The following ERBB4 variants were observed in gnomAD, a reference collection of about 807,000 sequenced individuals.
ERBB4 encodes receptor tyrosine-protein kinase erbB-4.
In ERBB4, 42 loss-of-function variants were observed where a neutral mutation model predicts 158.0. The observed-to-expected ratio is 0.27, with a 90% CI of 0.21 to 0.34. The LOEUF (loss-of-function observed/expected upper bound fraction) is 0.34, where lower values mean the gene tolerates loss of function less well. ERBB4 is among the 10% of genes least tolerant of loss of function. ERBB4 has a pLI of 1.00. For missense variants in ERBB4, 1,333 were observed against 1,624.1 expected, an observed-to-expected ratio of 0.82 and a Z score of 3.08; for synonymous variants, 583 against 558.7, an observed-to-expected ratio of 1.04 and a Z score of -0.61.
In ERBB4 at chr2:211,703,510, T is replaced by A. The variant is rs144133513; in HGVS notation, c.1289+594A>T. On this transcript the variant is annotated intron_variant, in intron 11 of 27. Transcript: ENST00000342788. ...AATTCTTATGCAAATTGACTTTTAATTGTTCATAAATAAGAACATCATACA... is the reference window on the plus strand; with the variant it reads ...AATTCTTATGCAAATTGACTTTTAAATGTTCATAAATAAGAACATCATACA... Among the ~76,000 whole-genome samples, 1,045 of 152,340 alleles carry A rather than the reference T, an allele frequency of 6.9e-3. 13 individuals are homozygous for A. The highest frequency in any genetic ancestry group is 0.024 in the African/African-American group (983 of 41,576).
intron 21 of ERBB4, among the ~76,000 whole-genome samples, chr2:211,428,771 G>A (rs2063689603): frequency 6.6e-6 from 1 of 152,104 alleles, no homozygotes; most frequent in South Asian, 2.1e-4. Context: ...AGGCTAGAGT[G>A]CAATGGCACA....
intron 1 of ERBB4, among the ~76,000 whole-genome samples, chr2:212,188,234 C>CTCTCTCTT: frequency 4.1e-5 from 1 of 24,102 alleles, no homozygotes; most frequent in African/African-American, 1.4e-4. Context: ...CTCTCTCTCT[C>CTCTCTCTT]CCCCCCCCTC....
chr2:211,791,243 A>C (rs530759231), intron 3 of ERBB4, among the ~76,000 whole-genome samples: 1 of 152,074 alleles, frequency 6.6e-6, no homozygotes, highest in Non-Finnish European at 1.5e-5. Context: ...GATTAGGAAA[A>C]GAGAAAAGTT....
intron 1 of ERBB4, among the ~76,000 whole-genome samples, chr2:212,307,338 T>C (rs1419853251): frequency 2.0e-5 from 3 of 148,044 alleles, no homozygotes; most frequent in African/African-American, 7.4e-5. Flanking sequence ...AGTTCTTGGA[T>C]CCCCAGGCAA....
intron 5 of ERBB4, among the ~76,000 whole-genome samples, chr2:211,731,136 A>G (rs143123245): frequency 3.3e-5 from 5 of 152,252 alleles, no homozygotes; most frequent in African/African-American, 1.2e-4. Flanking sequence ...TTATGGATAA[A>G]TGAAATACCA....
intron 16 of ERBB4, among the ~76,000 whole-genome samples, chr2:211,643,917 T>C (rs982136459): frequency 4.6e-5 from 7 of 152,020 alleles, no homozygotes; most frequent in African/African-American, 1.7e-4. Flanking sequence ...AATTCAAAAG[T>C]AGTAAATGTT....
At chr2:212,456,475 T>C (rs1174247530) in intron 1 of ERBB4, among the ~76,000 whole-genome samples, 1 of 151,934 alleles carries the variant, frequency 6.6e-6, no homozygotes, top group Non-Finnish European at 1.5e-5. Flanking sequence ...TACAGAATTA[T>C]ATTCTCAACT....
chr2:211,944,119 T>C (rs1026277581), intron 3 of ERBB4, among the ~76,000 whole-genome samples: 11 of 129,298 alleles, frequency 8.5e-5, no homozygotes, highest in East Asian at 2.1e-4. Context: ...TATATATATA[T>C]ACACACTATA....
In ERBB4 at chr2:211,432,048, G is replaced by A. The variant is rs554658981; in HGVS notation, c.2488-948C>T. Among the ~76,000 whole-genome samples, 16 of 152,182 alleles carry A rather than the reference G, an allele frequency of 1.1e-4. No homozygotes were observed. In the South Asian group the frequency reaches 3.3e-3, roughly 32 times the overall value. ...GTAAAACTAAGGAAATAAACCTGAG[G>A]CCGAGATTAGAGTGAATATATTTTT... On this transcript the variant is annotated intron_variant, in intron 20 of 27. Transcript: ENST00000342788.
chr2:211,973,485 G>A (rs949818310), intron 2 of ERBB4, among the ~76,000 whole-genome samples: 3 of 152,182 alleles, frequency 2.0e-5, no homozygotes, highest in Admixed American at 2.0e-4. Context: ...AAAGGCATGA[G>A]CCACCGTGCC....
chr2:212,214,940 G>T (rs1176274772), intron 1 of ERBB4, among the ~76,000 whole-genome samples: 1 of 151,384 alleles, frequency 6.6e-6, no homozygotes, highest in Admixed American at 6.6e-5. Context: ...TTAAAATACT[G>T]GTACTTAATC....
At chr2:212,176,529 T>C (rs931534247) in intron 1 of ERBB4, among the ~76,000 whole-genome samples, 1 of 152,016 alleles carries the variant, frequency 6.6e-6, no homozygotes, top group African/African-American at 2.4e-5. Flanking sequence ...TCAAGAACTT[T>C]AGGAAATAAA....
intron 1 of ERBB4, among the ~76,000 whole-genome samples, chr2:212,415,342 T>C (rs1423210813): frequency 6.6e-6 from 1 of 152,146 alleles, no homozygotes; most frequent in Non-Finnish European, 1.5e-5. Flanking sequence ...GCAGATACTA[T>C]TAGATTAGAT....
At chr2:212,227,680 A>T (rs1431051784) in intron 1 of ERBB4, among the ~76,000 whole-genome samples, 4 of 152,196 alleles carry the variant, frequency 2.6e-5, no homozygotes, top group African/African-American at 7.2e-5. Flanking sequence ...TAAGTAATCA[A>T]GTCTTTGAAT....
chr2:212,187,380 C>T (rs1490230621), intron 1 of ERBB4, among the ~76,000 whole-genome samples: 1 of 150,826 alleles, frequency 6.6e-6, no homozygotes, highest in Admixed American at 6.6e-5. Flanking sequence ...ATGTAACTAA[C>T]CTGCACAATG....
intron 20 of ERBB4, among the ~76,000 whole-genome samples, chr2:211,476,061 G>T (rs1203978005): frequency 1.3e-5 from 2 of 152,078 alleles, no homozygotes; most frequent in East Asian, 1.9e-4. Flanking sequence ...CAAAAAAAGA[G>T]ATTATATGTG....
chr2:211,927,716 T>A (rs546316207), intron 3 of ERBB4, among the ~76,000 whole-genome samples: 1 of 152,252 alleles, frequency 6.6e-6, no homozygotes, highest in African/African-American at 2.4e-5. Context: ...GCAAAAGTTT[T>A]TTTTTTTAAG....
chr2:212,245,671 A>G (rs1397706503), intron 1 of ERBB4, among the ~76,000 whole-genome samples: 2 of 152,134 alleles, frequency 1.3e-5, no homozygotes, highest in Non-Finnish European at 2.9e-5. Flanking sequence ...CGAAGGCCTG[A>G]TATCAACTGC....
At chr2:211,396,089 C>T (rs2062910231) in intron 25 of ERBB4, among the ~76,000 whole-genome samples, 1 of 151,670 alleles carries the variant, frequency 6.6e-6, no homozygotes, top group Non-Finnish European at 1.5e-5. Flanking sequence ...ATGTCTTTGC[C>T]TAGATATAGT....
Sources: allele counts gnomAD v4.1 joint callset (sites outside exome capture counted in the v4.1 genomes callset), GRCh38; gene constraint gnomAD v4.1.1; transcripts MANE v1.5; gene names NCBI Gene and HGNC (gene_info 2026-07-23, HGNC 2026-07-21).